The following ZNF521 variants were observed in gnomAD, a reference collection of about 807,000 sequenced individuals.
ZNF521 encodes LYST-interacting protein 3.
ZNF521 carries 14 observed loss-of-function variants against 105.5 expected under a neutral mutation model. The observed-to-expected ratio is 0.13, with a 90% confidence interval of 0.09 to 0.21. The LOEUF (loss-of-function observed/expected upper bound fraction) is 0.21, where lower values mean the gene tolerates loss of function less well. ZNF521 is among the 10% of genes least tolerant of loss of function. ZNF521 has a pLI of 1.00. For missense variants in ZNF521, 1,233 were observed against 1,629.7 expected (o/e 0.76, Z 4.19); for synonymous variants, 635 against 606.0 (o/e 1.05, Z -0.70).
rs146916176 is a variant in ZNF521 at position 25,276,720 on chromosome 18, C to G, written c.220+45288G>C. 3.2e-3 allele frequency among the ~76,000 whole-genome samples: 482 copies of G among 152,318 alleles called. 3 individuals carry two copies. Among genetic ancestry groups the G allele is most frequent in the African/African-American group, 0.011 (453 of 41,580 alleles). Reference sequence around the variant, plus strand: ...ACACTGCCCCTTCCAAAGCCTCGTTCATATGCGCACGTCACTTTCTATTTT... The same window carrying G: ...ACACTGCCCCTTCCAAAGCCTCGTTGATATGCGCACGTCACTTTCTATTTT... On this transcript the variant is annotated intron_variant, in intron 3 of 7. Coordinates refer to ENST00000361524, the MANE Select transcript of ZNF521 (RefSeq NM_015461.3).
chr18:25,134,485 T>G (rs184707795), intron 5 of ZNF521, among the ~76,000 whole-genome samples: 3 of 152,254 alleles, frequency 2.0e-5, no homozygotes, highest in East Asian at 3.9e-4. Flanking sequence ...GTGAACATTA[T>G]GATAAAGACA....
chr18:25,337,166 G>A (rs1352817620), intron 2 of ZNF521, among the ~76,000 whole-genome samples: 2 of 152,206 alleles, frequency 1.3e-5, no homozygotes, highest in Non-Finnish European at 2.9e-5. Flanking sequence ...TGGGGACACA[G>A]AGATGGAGGT....
intron 2 of ZNF521, among the ~76,000 whole-genome samples, chr18:25,342,489 A>T (rs79156801): frequency 0.19 from 25,214 of 130,746 alleles, 3,118 homozygotes; most frequent in Admixed American, 0.24. Flanking sequence ...AGTGCAGTGG[A>T]GCCATCTTGG....
intron 7 of ZNF521, among the ~76,000 whole-genome samples, chr18:25,087,679 T>C (rs2033653171): frequency 1.3e-5 from 2 of 152,222 alleles, no homozygotes; most frequent in Non-Finnish European, 2.9e-5. Context: ...GTAGTATTTT[T>C]TTCAAACAGA....
chr18:25,186,338 A>C (rs2035721779), intron 5 of ZNF521, among the ~76,000 whole-genome samples: 1 of 152,366 alleles, frequency 6.6e-6, no homozygotes, highest in East Asian at 1.9e-4. Flanking sequence ...CAGGAGGTAG[A>C]GCCCTGCTTA....
intron 5 of ZNF521, among the ~76,000 whole-genome samples, chr18:25,130,001 A>T (rs2034611105): frequency 6.6e-6 from 1 of 152,218 alleles, no homozygotes; most frequent in Non-Finnish European, 1.5e-5. Flanking sequence ...TCCCCAAATG[A>T]TTTGAAAATG....
At chr18:25,162,687 C>A (rs1382667449) in intron 5 of ZNF521, among the ~76,000 whole-genome samples, 3 of 152,210 alleles carry the variant, frequency 2.0e-5, no homozygotes, top group Non-Finnish European at 4.4e-5. Flanking sequence ...TGACAAAATT[C>A]ATATCCAACT....
In ZNF521 at chr18:25,321,725, T is replaced by C. The variant is rs536875016; in HGVS notation, c.220+283A>G. Among the ~76,000 whole-genome samples, 10 of 152,322 alleles carry C rather than the reference T, an allele frequency of 6.6e-5. No homozygotes were observed. The South Asian group carries it at 8.3e-4, about 13-fold the overall frequency. ...TTTAAAATATATTAGTCATCCAATATTCATGTTCTGCTCCTAAATGGCATC... is the reference window on the plus strand; with the variant it reads ...TTTAAAATATATTAGTCATCCAATACTCATGTTCTGCTCCTAAATGGCATC... On this transcript the variant is annotated intron_variant, in intron 3 of 7. Transcript: ENST00000361524.
chr18:25,114,040 T>C (rs2034254710), intron 5 of ZNF521, among the ~76,000 whole-genome samples: 1 of 152,138 alleles, frequency 6.6e-6, no homozygotes. Context: ...CTGTGCACTG[T>C]TATTCACAGA....
intron 3 of ZNF521, among the ~76,000 whole-genome samples, chr18:25,275,337 G>C (rs1249882361): frequency 6.6e-6 from 1 of 152,148 alleles, no homozygotes; most frequent in Non-Finnish European, 1.5e-5. Flanking sequence ...ATCACTAAAA[G>C]GGGGACAAAT....
chr18:25,122,613 T>C (rs2034464382), intron 5 of ZNF521, among the ~76,000 whole-genome samples: 1 of 152,182 alleles, frequency 6.6e-6, no homozygotes, highest in Admixed American at 6.5e-5. Context: ...ATTTCTAATA[T>C]AGATTTATCT....
rs1198695965 is a variant in ZNF521 at position 25,080,334 on chromosome 18, G to A, written c.3906+9131C>T. Reference sequence around the variant, plus strand: ...AGTTGCTGTTCTAAATGACAGCACCGCAAGCACAGCTTTTAAGCACTATTC... The same window carrying A: ...AGTTGCTGTTCTAAATGACAGCACCACAAGCACAGCTTTTAAGCACTATTC... On this transcript the variant is annotated intron_variant, in intron 7 of 7. Transcript: ENST00000361524. Among the ~76,000 whole-genome samples, 3 of 152,108 alleles carry A rather than the reference G, an allele frequency of 2.0e-5. No homozygotes were observed. The East Asian group carries it at 5.8e-4, about 29-fold the overall frequency.
chr18:25,293,645 T>C (rs1437714058), intron 3 of ZNF521, among the ~76,000 whole-genome samples: 2 of 152,238 alleles, frequency 1.3e-5, no homozygotes, highest in Admixed American at 6.5e-5. Context: ...TGTGGAATCG[T>C]TGGCTGCTTT....
chr18:25,214,724 G>T (rs967856731), intron 4 of ZNF521, among the ~76,000 whole-genome samples: 1 of 152,088 alleles, frequency 6.6e-6, no homozygotes, highest in Admixed American at 6.6e-5. Context: ...CAGAGAACTT[G>T]ATTTGTGTGA....
intron 6 of ZNF521, 99 bp downstream of exon 6, chr18:25,091,851 G>A: frequency 1.4e-6 from 2 of 1,425,544 alleles, no homozygotes; most frequent in Non-Finnish European, 1.9e-6. Context: ...CTGAAGTCAT[G>A]TCTGTAAAAG....
intron 3 of ZNF521, among the ~76,000 whole-genome samples, chr18:25,242,659 G>A (rs1189033054): frequency 2.6e-5 from 4 of 152,164 alleles, no homozygotes; most frequent in Non-Finnish European, 5.9e-5. Flanking sequence ...AATAAGGCCT[G>A]TTTTTGAACA....
intron 5 of ZNF521, among the ~76,000 whole-genome samples, chr18:25,122,880 G>C (rs192791172): frequency 6.6e-6 from 1 of 152,220 alleles, no homozygotes; most frequent in East Asian, 1.9e-4. Flanking sequence ...CTAGCTTACA[G>C]AATGGGACAT....
intron 6 of ZNF521, 66 bp downstream of exon 6, chr18:25,091,884 C>A: frequency 6.3e-7 from 1 of 1,579,168 alleles, no homozygotes; most frequent in South Asian, 1.2e-5. Context: ...GGAAGTAATG[C>A]TTTGGTAGGA....
chr18:25,134,701 A>G (rs1282509595), intron 5 of ZNF521, among the ~76,000 whole-genome samples: 2 of 152,126 alleles, frequency 1.3e-5, no homozygotes, highest in African/African-American at 4.8e-5. Flanking sequence ...CTGAGATAAA[A>G]GGCTCCATTA....
Sources: allele counts gnomAD v4.1 joint callset (sites outside exome capture counted in the v4.1 genomes callset), GRCh38; gene constraint gnomAD v4.1.1; transcripts MANE v1.5; gene names NCBI Gene and HGNC (gene_info 2026-07-23, HGNC 2026-07-21).